Variants in PCDHGA9 observed in about 807,000 individuals in gnomAD.
PCDHGA9 encodes protocadherin gamma subfamily A, 9, also known as protocadherin gamma-A9.
In PCDHGA9, 37 loss-of-function variants were observed where a neutral mutation model predicts 62.5. That is an observed-to-expected ratio of 0.59 (90% CI 0.46 to 0.78). The LOEUF is 0.78. Among genes scored for constraint, PCDHGA9 ranks in the 30% least tolerant of loss-of-function variants. The pLI is 0.00. For synonymous variants in PCDHGA9, 459 were observed against 484.6 expected, an observed-to-expected ratio of 0.95 and a Z score of 0.69; for missense variants, 1,138 against 1,166.2, an observed-to-expected ratio of 0.98 and a Z score of 0.35.
At chr5:141,414,496 C>T in intron 1 of PCDHGA9, 7 of 1,613,956 alleles carry the variant, frequency 4.3e-6, no homozygotes, top group Middle Eastern at 1.6e-4. Flanking sequence ...AACGGAAGCT[C>T]ACTTTATGCT....
chr5:141,479,277 TC>T (rs2099491823), intron 1 of PCDHGA9: 1 of 152,362 alleles, frequency 6.6e-6, no homozygotes, highest in African/African-American at 2.4e-5. Flanking sequence ...ATAATTTATT[TC>T]AAAAATAAAT....
rs1456184444 is a variant in PCDHGA9, at chr5:141,512,578, C to T, written c.*1405C>T. On this transcript the variant is annotated 3_prime_UTR_variant, in exon 4 of 4. Coordinates refer to ENST00000573521, the MANE Select transcript of PCDHGA9 (RefSeq NM_018921.3). ...ATAGACCTTCTTCTCCCACCCCCTT[C>T]TGCCCCTGGGTCCCCGGCCATCCAG... is the stretch of plus-strand genomic sequence containing the variant. 1 of 152,944 alleles carries T rather than the reference C, an allele frequency of 6.5e-6. No homozygotes were observed. The highest frequency in any genetic ancestry group is 1.5e-5 in the Non-Finnish European group (1 of 68,542). 9.5% of individuals were successfully genotyped at this position (152,944 alleles called of 1,614,324 possible). A position where few individuals can be genotyped will look rare whatever the true frequency, so the allele number is the denominator to read the frequency against.
intron 3 of PCDHGA9, among the ~76,000 whole-genome samples, chr5:141,509,685 A>G (rs923641083): frequency 6.6e-6 from 1 of 152,166 alleles, no homozygotes. Flanking sequence ...TCTTCTGTAC[A>G]GTGGGACGTT....
Position 141,477,849 on chromosome 5 carries a change from A to G in PCDHGA9, c.2425-16958A>G. ...CCTCGGCCAGGTGGGAGCTCGGTGGAGATGCTGCCTCGAGGTACCTCAGCT... is the reference window on the plus strand; with the variant it reads ...CCTCGGCCAGGTGGGAGCTCGGTGGGGATGCTGCCTCGAGGTACCTCAGCT... On this transcript the variant is annotated intron_variant, in intron 1 of 3. Transcript: ENST00000573521. This position sits in a 1 kb window ranked among gnomAD's most constrained non-coding sequence, Gnocchi z 4.9. The G allele has an allele frequency of 6.8e-6, 11 of 1,612,812 alleles. No individual in the cohort carries two copies. Among genetic ancestry groups the G allele is most frequent in the Non-Finnish European group, 8.5e-6 (10 of 1,179,548 alleles).
Position 141,404,287 on chromosome 5 carries a change from C to A in PCDHGA9, c.1335C>A (p.Ile445=). The A allele has an allele frequency of 6.2e-7, 1 of 1,613,976 alleles. No individual in the cohort carries two copies. Among genetic ancestry groups the A allele is most frequent in the Non-Finnish European group, 8.5e-7 (1 of 1,179,860 alleles). The stretch of plus-strand genomic sequence containing the variant: ...ACATCACCCTGCAAGTGACTGACAT[C>A]AATGATAATCCACCTGCTTTCTCTC... ...EIHITLQVTD[I]NDNPPAFSQA... The change falls in exon 1 of 4, where the codon ATC becomes ATA. Residue 445 remains isoleucine, a synonymous_variant. Coordinates refer to ENST00000573521, the MANE Select transcript of PCDHGA9 (RefSeq NM_018921.3).
rs370264318 is a variant in PCDHGA9, at chr5:141,403,767, G to C, written c.815G>C (p.Gly272Ala). 1.0e-4 allele frequency: 169 copies of C among 1,613,880 alleles called. No homozygotes were observed. In the East Asian group the frequency reaches 1.6e-3, roughly 16 times the overall value. Reference sequence around the variant, plus strand: ...GCAACAGCCAGCGACCTGGATGAGGGAATCAACGGAAAAGTGGCATACAAA... The same window carrying C: ...GCAACAGCCAGCGACCTGGATGAGGCAATCAACGGAAAAGTGGCATACAAA... ...LTATASDLDE[G>A]INGKVAYKFW... Residue 272 changes from glycine (G) to alanine (A), a missense_variant, in exon 1 of 4, where the codon GGA becomes GCA. Gly to Ala is a moderately conservative substitution (Grantham distance 60). Coordinates refer to ENST00000573521, the MANE Select transcript of PCDHGA9 (RefSeq NM_018921.3).
rs775705715 is a variant in PCDHGA9 at position 141,422,475 on chromosome 5, C to T, written c.2424+17099C>T. ...GCAGAGTGCTGGACAGGGAGTTGGT[C>T]CAGAGCTACAATATAACGTTGACAG... On this transcript the variant is annotated intron_variant, in intron 1 of 3. Coordinates refer to ENST00000573521, the MANE Select transcript of PCDHGA9 (RefSeq NM_018921.3). The T allele has an allele frequency of 7.4e-6, 12 of 1,613,672 alleles. No individual in the cohort carries two copies. The East Asian group carries it at 2.0e-4, about 27-fold the overall frequency.
Position 141,491,166 on chromosome 5 carries a change from G to A in PCDHGA9, c.2425-3641G>A. 1 of 1,614,150 alleles carries A rather than the reference G, an allele frequency of 6.2e-7. No individual in the cohort carries two copies. The highest frequency in any genetic ancestry group is 8.5e-7 in the Non-Finnish European group (1 of 1,179,964). ...TACTGGAGGATGACTCTGACACCCA[G>A]CAGGTGGTGGTCCTGGTGAGGGACA... On this transcript the variant is annotated intron_variant, in intron 1 of 3. Transcript: ENST00000573521. The surrounding 1 kb of genome is among the most constrained non-coding windows in gnomAD (Gnocchi z 6.9).
intron 1 of PCDHGA9, among the ~76,000 whole-genome samples, chr5:141,470,268 G>A (rs1349444076): frequency 6.6e-6 from 1 of 152,082 alleles, no homozygotes; most frequent in East Asian, 1.9e-4. Flanking sequence ...GGAGATACAT[G>A]TTTGTTTGAT....
In PCDHGA9 at chr5:141,476,374, GTTTGTGAACGACCGTC is replaced by G. The variant is rs1424626307; in HGVS notation, c.2425-18431_2425-18416del. 1 of 1,614,060 alleles carries G rather than the reference GTTTGTGAACGACCGTC, an allele frequency of 6.2e-7. No individual in the cohort carries two copies. The highest frequency in any genetic ancestry group is 1.3e-5 in the African/African-American group (1 of 74,922). Reference sequence around the variant, plus strand: ...AGGTGAACCGGGAGACCGGAGAGATGTTTGTGAACGACCGTCTGGATCGAGAGGAGCTGTGTGGGAC... The same window carrying G: ...AGGTGAACCGGGAGACCGGAGAGATGTGGATCGAGAGGAGCTGTGTGGGAC... On this transcript the variant is annotated intron_variant, in intron 1 of 3. Coordinates refer to ENST00000573521, the MANE Select transcript of PCDHGA9 (RefSeq NM_018921.3). The surrounding 1 kb of genome is among the most constrained non-coding windows in gnomAD (Gnocchi z 7.6).
At chr5:141,470,851 A>G (rs1410012138) in intron 1 of PCDHGA9, among the ~76,000 whole-genome samples, 2 of 151,876 alleles carry the variant, frequency 1.3e-5, no homozygotes, top group Non-Finnish European at 2.9e-5. Context: ...CCATGCTCAG[A>G]TAAGTTTTTT....
chr5:141,423,706 A>C (rs1045905298), intron 1 of PCDHGA9: 1 of 1,231,762 alleles, frequency 8.1e-7, no homozygotes, highest in Admixed American at 3.4e-5. Context: ...TCTTGGCACA[A>C]GTCTTTTAAG....
chr5:141,408,846 TGGACGGA>T, intron 1 of PCDHGA9: 1 of 1,613,698 alleles, frequency 6.2e-7, no homozygotes, highest in Non-Finnish European at 8.5e-7. Flanking sequence ...TTGACTGCCT[TGGACGGA>T]GGGGACCCAC....
chr5:141,413,043 C>A, intron 1 of PCDHGA9: 1 of 864,340 alleles, frequency 1.2e-6, no homozygotes, highest in Non-Finnish European at 1.7e-6. Flanking sequence ...TGCTGGGCTG[C>A]AGGGAAGCTC....
intron 1 of PCDHGA9, among the ~76,000 whole-genome samples, chr5:141,488,348 C>G (rs1231687770): frequency 3.2e-4 from 49 of 152,106 alleles, no homozygotes; most frequent in Admixed American, 3.2e-3. Context: ...TAGAAACAGC[C>G]ACCCTGTGCA....
At position 141,404,477 on chromosome 5, in the gene PCDHGA9, T is replaced by C. The variant is rs750187565; in HGVS notation, c.1525T>C (p.Ser509Pro). The change falls in exon 1 of 4, where the codon TCA becomes CCA. Residue 509 changes from serine (S) to proline (P), a missense_variant. Physicochemically the swap from Ser to Pro is moderately conservative, Grantham distance 74. Coordinates refer to ENST00000573521, the MANE Select transcript of PCDHGA9 (RefSeq NM_018921.3). ...TCTCTCCACCTATGTCTCTATTAAC[T>C]CAGACACTGGTGTGCTGTATGCTCT... is the stretch of plus-strand genomic sequence containing the variant. Reference protein sequence around the residue: ...SPLSTYVSINSDTGVLYALCS... With the variant: ...SPLSTYVSINPDTGVLYALCS... The C allele has an allele frequency of 3.1e-6, 5 of 1,613,408 alleles. No individual in the cohort carries two copies. In the South Asian group the frequency reaches 4.4e-5, roughly 14 times the overall value.
intron 1 of PCDHGA9, among the ~76,000 whole-genome samples, chr5:141,437,588 A>G (rs1399641711): frequency 6.6e-6 from 1 of 152,134 alleles, no homozygotes; most frequent in African/African-American, 2.4e-5. Context: ...CATGAATTGG[A>G]TAGTTCTGGT....
rs777535962 is a variant in PCDHGA9, at chr5:141,431,195, G to T, written c.2424+25819G>T. The T allele has an allele frequency of 1.2e-6, 2 of 1,614,166 alleles. No homozygotes were observed. Among genetic ancestry groups the T allele is most frequent in the East Asian group, 2.2e-5 (1 of 44,890 alleles). On this transcript the variant is annotated intron_variant, in intron 1 of 3. Transcript: ENST00000573521. The surrounding 1 kb of genome is among the most constrained non-coding windows in gnomAD (Gnocchi z 4.8). ...ATTAGAAATAAAAATTAGTGAAAAT[G>T]CAGCCACTGAGATGCGGTTCCCTCT... is the stretch of plus-strand genomic sequence containing the variant.
intron 1 of PCDHGA9, among the ~76,000 whole-genome samples, chr5:141,425,585 A>G (rs1270579511): frequency 6.6e-6 from 1 of 152,252 alleles, no homozygotes; most frequent in African/African-American, 2.4e-5. Flanking sequence ...GGCTAACTTT[A>G]TTCTGAATAT....
Sources: gnomAD v4.1 joint callset for allele counts (sites outside exome capture counted in the v4.1 genomes callset) on GRCh38, gnomAD v4.1.1 for gene constraint, Gnocchi (gnomAD v3.1) non-coding constraint, MANE v1.5 for transcripts, NCBI Gene and HGNC (gene_info 2026-07-23, HGNC 2026-07-21) for gene names.